Variants in FNDC3A observed in about 807,000 individuals in gnomAD.
FNDC3A encodes fibronectin type-III domain-containing protein 3A.
FNDC3A carries 32 observed loss-of-function variants against 148.9 expected under a neutral mutation model. The observed-to-expected ratio is 0.21, with a 90% confidence interval of 0.16 to 0.29. The LOEUF (loss-of-function observed/expected upper bound fraction) is 0.29, where lower values mean the gene tolerates loss of function less well. FNDC3A is among the 10% of genes least tolerant of loss of function. FNDC3A has a pLI of 1.00. For missense variants in FNDC3A, 1,191 were observed against 1,452.8 expected (o/e 0.82, Z 2.93); for synonymous variants, 472 against 473.6 (o/e 1.00, Z 0.04).
rs1441035169 is a variant in FNDC3A, at chr13:49,207,275, G to T, written c.3477G>T (p.Val1159=). The T allele has an allele frequency of 6.2e-7, 1 of 1,614,192 alleles. No homozygotes were observed. The highest frequency in any genetic ancestry group is 1.1e-5 in the South Asian group (1 of 91,084). Residue 1159 remains valine, a synonymous_variant, in exon 26 of 26, where the codon GTG becomes GTT. Coordinates refer to ENST00000492622, the MANE Select transcript of FNDC3A (RefSeq NM_001079673.2). ...EPPASTNRDT[V]ESTRTRRALS... is the part of the protein sequence containing the mutation. ...CAGCCAGCACCAACAGAGACACTGT[G>T]GAAAGCACAAGGACCCGACGGGCAC...
At chr13:49,108,338 G>A (rs1043216437) in intron 3 of FNDC3A, among the ~76,000 whole-genome samples, 3 of 152,154 alleles carry the variant, frequency 2.0e-5, no homozygotes, top group Non-Finnish European at 2.9e-5. Context: ...CACATATGCC[G>A]TGATCTCAAG....
chr13:48,982,086 C>T (rs1001761284), intron 1 of FNDC3A, among the ~76,000 whole-genome samples: 5 of 152,026 alleles, frequency 3.3e-5, no homozygotes, highest in Non-Finnish European at 7.4e-5. Flanking sequence ...AAAGTAATTA[C>T]GTGCTTTGCT....
intron 2 of FNDC3A, among the ~76,000 whole-genome samples, chr13:49,019,074 C>A (rs964153378): frequency 6.6e-6 from 1 of 152,234 alleles, no homozygotes; most frequent in African/African-American, 2.4e-5. Flanking sequence ...TGCCCTGCCC[C>A]CAGAGGTGGA....
rs370555449 is a variant in FNDC3A, at chr13:49,107,219, TAG to T, written c.176-7433_176-7432del. 7.6e-3 allele frequency among the ~76,000 whole-genome samples: 1,162 copies of T among 152,280 alleles called. 18 individuals carry two copies. The highest frequency in any genetic ancestry group is 0.026 in the African/African-American group (1,101 of 41,548). ...TGAAAGTGAATGTAAGGTCAGAAAA[TAG>T]AGTCATGTTATAGAGTTAATGTTAT... On this transcript the variant is annotated intron_variant, in intron 3 of 25. Coordinates refer to ENST00000492622, the MANE Select transcript of FNDC3A (RefSeq NM_001079673.2).
At chr13:49,172,341 T>G (rs901722425) in intron 11 of FNDC3A, among the ~76,000 whole-genome samples, 8 of 152,338 alleles carry the variant, frequency 5.3e-5, no homozygotes, top group Non-Finnish European at 1.0e-4. Context: ...GAACTTTTTT[T>G]TCACATCAGC....
intron 4 of FNDC3A, among the ~76,000 whole-genome samples, chr13:49,121,063 C>T (rs538276739): frequency 4.6e-5 from 7 of 152,302 alleles, no homozygotes; most frequent in South Asian, 2.1e-4. Context: ...CACCACATCA[C>T]GCTTATTCTA....
At chr13:49,032,038 AG>A (rs1296797910) in intron 2 of FNDC3A, among the ~76,000 whole-genome samples, 1 of 152,260 alleles carries the variant, frequency 6.6e-6, no homozygotes, top group Non-Finnish European at 1.5e-5. Flanking sequence ...AGCATATGAA[AG>A]ATTCACAACA....
intron 10 of FNDC3A, among the ~76,000 whole-genome samples, chr13:49,171,287 GATAGAGTCCA>G (rs1241292283): frequency 6.6e-6 from 1 of 152,056 alleles, no homozygotes. Context: ...ATAAAAACTG[GATAGAGTCCA>G]AAAAACATCA....
intron 3 of FNDC3A, among the ~76,000 whole-genome samples, chr13:49,077,367 T>G (rs1029831711): frequency 1.2e-4 from 18 of 152,214 alleles, no homozygotes; most frequent in African/African-American, 4.3e-4. Flanking sequence ...ACTCTAACAC[T>G]TACTTCAAGA....
At chr13:49,203,107 C>G in intron 24 of FNDC3A, 50 bp from the exon 25 acceptor site, 2 of 1,271,826 alleles carry the variant, frequency 1.6e-6, no homozygotes, top group Non-Finnish European at 2.2e-6. Flanking sequence ...CATGATGTAC[C>G]AAATTAAAAA....
chr13:49,095,829 C>T (rs532777645), intron 3 of FNDC3A, among the ~76,000 whole-genome samples: 3 of 152,156 alleles, frequency 2.0e-5, no homozygotes, highest in African/African-American at 7.2e-5. Context: ...CCAGAGAATA[C>T]TTATATAACG....
At chr13:49,074,249 C>G (rs1051665105) in intron 2 of FNDC3A, among the ~76,000 whole-genome samples, 2 of 152,136 alleles carry the variant, frequency 1.3e-5, no homozygotes, top group Admixed American at 6.6e-5. Context: ...CTCCTCACCT[C>G]CCCGCATCCC....
intron 4 of FNDC3A, among the ~76,000 whole-genome samples, chr13:49,125,232 C>G (rs1367225014): frequency 6.6e-6 from 1 of 152,082 alleles, no homozygotes; most frequent in Non-Finnish European, 1.5e-5. Context: ...TCTTGCTGCT[C>G]TCCTGGGGAC....
intron 23 of FNDC3A, among the ~76,000 whole-genome samples, chr13:49,200,079 T>TA (rs1886354162): frequency 6.6e-6 from 1 of 152,240 alleles, no homozygotes; most frequent in African/African-American, 2.4e-5. Context: ...AATCCTTTAA[T>TA]ATTTTAAGAA....
intron 3 of FNDC3A, among the ~76,000 whole-genome samples, chr13:49,106,832 T>C (rs1016770449): frequency 8.7e-6 from 1 of 115,512 alleles, no homozygotes; most frequent in Non-Finnish European, 1.8e-5. Context: ...CAAAAGCTAA[T>C]GACAGAATAA....
chr13:49,153,408 C>T (rs1159205581), intron 8 of FNDC3A, among the ~76,000 whole-genome samples: 7 of 152,088 alleles, frequency 4.6e-5, no homozygotes, highest in South Asian at 4.1e-4. Flanking sequence ...ATTGTGGATT[C>T]TGGATATTAG....
At chr13:49,190,175 C>T (rs189998249) in intron 17 of FNDC3A, among the ~76,000 whole-genome samples, 105 of 152,264 alleles carry the variant, frequency 6.9e-4, no homozygotes, top group African/African-American at 2.1e-3. Context: ...TGTGAGCCAC[C>T]GCGCCCGGCC....
At chr13:49,152,007 C>T (rs9535157) in intron 8 of FNDC3A, among the ~76,000 whole-genome samples, 152,243 of 152,334 alleles carry the variant, frequency 1, 76,077 homozygotes, top group Middle Eastern at 1. Flanking sequence ...ATTCCAAGTC[C>T]TTGCTATTGT....
intron 2 of FNDC3A, among the ~76,000 whole-genome samples, chr13:49,074,804 T>A (rs1411489066): frequency 6.6e-6 from 1 of 152,302 alleles, no homozygotes; most frequent in Non-Finnish European, 1.5e-5. Flanking sequence ...TCAAATGTCG[T>A]AAAATTGGTA....
Sources: gnomAD v4.1 joint callset for allele counts (sites outside exome capture counted in the v4.1 genomes callset) on GRCh38, gnomAD v4.1.1 for gene constraint, MANE v1.5 for transcripts, NCBI Gene and HGNC (gene_info 2026-07-23, HGNC 2026-07-21) for gene names.